TBC1D1: variants seen among roughly 807,000 people sequenced by gnomAD.
TBC1D1 encodes TBC1 (tre-2/USP6, BUB2, cdc16) domain family, member 1.
TBC1D1 carries 89 observed loss-of-function variants against 125.6 expected under a neutral mutation model. The ratio of observed to expected loss-of-function variants is 0.71; its 90% CI spans 0.60 to 0.85. The LOEUF (loss-of-function observed/expected upper bound fraction) is 0.85. TBC1D1 is among the 40% of genes least tolerant of loss of function. The pLI, the probability that TBC1D1 is intolerant of heterozygous loss-of-function variation, is 0.00. For missense variants in TBC1D1, 1,377 were observed against 1,469.2 expected (o/e 0.94, Z 1.03); for synonymous variants, 565 against 564.1 (o/e 1.00, Z -0.02).
In TBC1D1 at chr4:37,995,965, G is replaced by A; in HGVS notation, c.418-18544G>A. On this transcript the variant is annotated intron_variant, in intron 2 of 19. Transcript: ENST00000261439. The surrounding 1 kb of genome is among the most constrained non-coding windows in gnomAD (Gnocchi z 4.3). ...CACTCAAGGACTTCTTTCTTCTCTT[G>A]CCTCTCTGTTTCTACCTCATCCTTG... 1.8e-6 allele frequency: 1 copy of A among 558,698 alleles called. No homozygotes were observed. Among genetic ancestry groups the A allele is most frequent in the African/African-American group, 1.9e-5 (1 of 53,192 alleles). The allele number at this position is 558,698 out of a possible 1,614,324, so 34.6% of individuals were successfully genotyped here. A position where few individuals can be genotyped will look rare whatever the true frequency, so the allele number is the denominator to read the frequency against.
At chr4:38,009,874 C>T (rs1218743693) in intron 2 of TBC1D1, among the ~76,000 whole-genome samples, 1 of 152,180 alleles carries the variant, frequency 6.6e-6, no homozygotes, top group Non-Finnish European at 1.5e-5. Flanking sequence ...GCCCCACACC[C>T]TTATTGAATC....
intron 2 of TBC1D1, among the ~76,000 whole-genome samples, chr4:37,915,642 C>A (rs746107229): frequency 6.6e-6 from 1 of 152,166 alleles, no homozygotes; most frequent in East Asian, 1.9e-4. Flanking sequence ...CAGACATACC[C>A]CAGAAATAAT....
At chr4:38,026,994 A>T (rs751389390) in intron 6 of TBC1D1, among the ~76,000 whole-genome samples, 1 of 152,174 alleles carries the variant, frequency 6.6e-6, no homozygotes, top group Non-Finnish European at 1.5e-5. Context: ...ACAGAATAGG[A>T]GTTGTTTTTT....
At chr4:38,119,635 A>G (rs1362608289) in intron 17 of TBC1D1, among the ~76,000 whole-genome samples, 1 of 152,172 alleles carries the variant, frequency 6.6e-6, no homozygotes, top group Non-Finnish European at 1.5e-5. Context: ...AATAACTTCT[A>G]TGTTTTTGAC....
intron 12 of TBC1D1, among the ~76,000 whole-genome samples, chr4:38,077,089 A>T (rs1755725095): frequency 1.3e-5 from 2 of 152,178 alleles, no homozygotes; most frequent in South Asian, 4.1e-4. Flanking sequence ...AGCCTTTGTC[A>T]TCACATCATC....
chr4:38,056,300 C>T (rs906707283), intron 12 of TBC1D1, among the ~76,000 whole-genome samples: 2 of 152,232 alleles, frequency 1.3e-5, no homozygotes, highest in Admixed American at 6.5e-5. Flanking sequence ...GTCCTGTCCT[C>T]CGAAGAGCCT....
At chr4:38,018,509 A>G in intron 4 of TBC1D1, 66 bp downstream of exon 4, 1 of 1,026,604 alleles carries the variant, frequency 9.7e-7, no homozygotes, top group Non-Finnish European at 1.5e-6. Flanking sequence ...TATAATATCT[A>G]TCATGTAACA....
At chr4:37,970,588 G>C (rs957802342) in intron 2 of TBC1D1, among the ~76,000 whole-genome samples, 11 of 152,196 alleles carry the variant, frequency 7.2e-5, no homozygotes, top group African/African-American at 1.4e-4. Flanking sequence ...GGAACTCATC[G>C]AAGCTTCACC....
At chr4:37,990,337 A>G (rs1736299562) in intron 2 of TBC1D1, among the ~76,000 whole-genome samples, 1 of 151,408 alleles carries the variant, frequency 6.6e-6, no homozygotes, top group Non-Finnish European at 1.5e-5. Flanking sequence ...TTTTTAAGCT[A>G]ATCAACTATC....
chr4:37,900,278 GCAAACCAGGCCTTA>G (rs1715632829), intron 1 of TBC1D1, among the ~76,000 whole-genome samples: 1 of 152,116 alleles, frequency 6.6e-6, no homozygotes, highest in Admixed American at 6.6e-5. Context: ...GATCCCTAGG[GCAAACCAGGCCTTA>G]CAAACCAGGA....
chr4:38,113,614 T>A (rs1464462894), intron 15 of TBC1D1, among the ~76,000 whole-genome samples: 1 of 152,216 alleles, frequency 6.6e-6, no homozygotes, highest in East Asian at 1.9e-4. Context: ...GACAGGAGCA[T>A]CAGCAGAAAT....
chr4:38,012,983 C>T (rs1439079212), intron 2 of TBC1D1, among the ~76,000 whole-genome samples: 2 of 151,904 alleles, frequency 1.3e-5, no homozygotes, highest in African/African-American at 2.4e-5. Context: ...TTAGTAGAGA[C>T]GGGGTTTCAC....
rs1344614759 is a variant in TBC1D1 at position 38,014,619 on chromosome 4, C to G, written c.528C>G (p.Leu176=). ...CGTTTTCCAAGAAGTTCGAGGTGCT[C>G]TTCTGCGGCCGCGTGACGGTGGCGC... is the stretch of plus-strand genomic sequence containing the variant. The change falls in exon 3 of 20, where the codon CTC becomes CTG. Residue 176 remains leucine (L), a synonymous_variant. Coordinates refer to ENST00000261439, the MANE Select transcript of TBC1D1 (RefSeq NM_015173.4). This position sits in a 1 kb window ranked among gnomAD's most constrained non-coding sequence, Gnocchi z 5.1. 1 of 1,613,312 alleles carries G rather than the reference C, an allele frequency of 6.2e-7. No homozygotes were observed. Among genetic ancestry groups the G allele is most frequent in the South Asian group, 1.1e-5 (1 of 91,090 alleles).
chr4:37,928,152 T>G (rs1194179259), intron 2 of TBC1D1, among the ~76,000 whole-genome samples: 1 of 152,202 alleles, frequency 6.6e-6, no homozygotes, highest in Non-Finnish European at 1.5e-5. Flanking sequence ...AGTTAAGATG[T>G]GTGAAGTGCT....
At chr4:37,900,999 G>T (rs915044116) in intron 1 of TBC1D1, among the ~76,000 whole-genome samples, 2 of 151,698 alleles carry the variant, frequency 1.3e-5, no homozygotes, top group South Asian at 2.1e-4. Context: ...TTGAACCCAG[G>T]GGGTGGAGGT....
chr4:38,025,984 A>G (rs1745005740), intron 6 of TBC1D1, among the ~76,000 whole-genome samples: 1 of 152,072 alleles, frequency 6.6e-6, no homozygotes. Context: ...TGGAGCAGTT[A>G]AGGGTTTGGT....
intron 12 of TBC1D1, among the ~76,000 whole-genome samples, chr4:38,078,785 AT>A (rs1404668778): frequency 1.3e-5 from 2 of 152,194 alleles, no homozygotes; most frequent in African/African-American, 4.8e-5. Flanking sequence ...CTATGATTTT[AT>A]TAGAGCAGCC....
chr4:38,062,222 C>G (rs1327269632), intron 12 of TBC1D1, among the ~76,000 whole-genome samples: 1 of 151,518 alleles, frequency 6.6e-6, no homozygotes, highest in Non-Finnish European at 1.5e-5. Context: ...TTGCTCCCCG[C>G]ATCTTGATTG....
At chr4:37,960,701 T>C in intron 2 of TBC1D1, 2 of 1,614,238 alleles carry the variant, frequency 1.2e-6, no homozygotes, top group Non-Finnish European at 1.7e-6. Context: ...CAAGCTTTTC[T>C]GCCAAAAAGA....
Sources: allele counts gnomAD v4.1 joint callset (sites outside exome capture counted in the v4.1 genomes callset), GRCh38; gene constraint gnomAD v4.1.1; non-coding constraint Gnocchi (gnomAD v3.1); transcripts MANE v1.5; gene names NCBI Gene and HGNC (gene_info 2026-07-23, HGNC 2026-07-21).